Variants in IFTAP observed in about 807,000 individuals in gnomAD.
IFTAP encodes intraflagellar transport associated protein.
A neutral mutation model predicts 19.4 loss-of-function variants in IFTAP; 19 were observed. The observed-to-expected ratio is 0.98, with a 90% CI of 0.68 to 1.44. The LOEUF (loss-of-function observed/expected upper bound fraction) is 1.44. Ranked by LOEUF, IFTAP falls within the 40% of genes most tolerant of loss-of-function variation. IFTAP has a pLI of 0.00. For synonymous variants in IFTAP, 85 were observed against 83.5 expected, an observed-to-expected ratio of 1.02 and a Z score of -0.10; for missense variants, 240 against 253.6, an observed-to-expected ratio of 0.95 and a Z score of 0.36.
At chr11:36,603,382 A>G (rs996862406) in intron 1 of IFTAP, among the ~76,000 whole-genome samples, 3 of 152,022 alleles carry the variant, frequency 2.0e-5, no homozygotes, top group Non-Finnish European at 4.4e-5. Context: ...TTTAGTGATA[A>G]TTTTCTTTTC....
At chr11:36,623,018 C>T (rs1189503809) in intron 2 of IFTAP, among the ~76,000 whole-genome samples, 1 of 152,094 alleles carries the variant, frequency 6.6e-6, no homozygotes, top group African/African-American at 2.4e-5. Context: ...TATTTACATG[C>T]TTTGACCAAA....
chr11:36,654,476 T>C (rs1334772094), intron 5 of IFTAP, among the ~76,000 whole-genome samples: 1 of 152,124 alleles, frequency 6.6e-6, no homozygotes, highest in African/African-American at 2.4e-5. Flanking sequence ...TGTGATTCTT[T>C]ATGTATTTCT....
At chr11:36,648,786 G>C (rs766174709) in intron 5 of IFTAP, among the ~76,000 whole-genome samples, 3 of 152,116 alleles carry the variant, frequency 2.0e-5, no homozygotes, top group Admixed American at 1.3e-4. Flanking sequence ...TTTCCCCAAG[G>C]CTTAGGACTC....
intron 2 of IFTAP, among the ~76,000 whole-genome samples, chr11:36,631,087 A>G (rs994185333): frequency 6.6e-6 from 1 of 151,462 alleles, no homozygotes; most frequent in Non-Finnish European, 1.5e-5. Flanking sequence ...CTCATCTTGT[A>G]TAGGGCTGGT....
At chr11:36,654,814 A>G (rs1490426193) in intron 5 of IFTAP, among the ~76,000 whole-genome samples, 1 of 151,978 alleles carries the variant, frequency 6.6e-6, no homozygotes, top group Non-Finnish European at 1.5e-5. Context: ...CGGATTTTTC[A>G]AATCTCTGCT....
intron 4 of IFTAP, among the ~76,000 whole-genome samples, chr11:36,644,376 T>C (rs1315016304): frequency 1.3e-5 from 2 of 152,068 alleles, no homozygotes; most frequent in South Asian, 2.1e-4. Context: ...TGTGGAGAAA[T>C]AGGAACACTT....
At chr11:36,642,645 A>C (rs1484817860) in intron 4 of IFTAP, among the ~76,000 whole-genome samples, 8 of 152,164 alleles carry the variant, frequency 5.3e-5, no homozygotes, top group African/African-American at 1.9e-4. Context: ...AGCACATCAA[A>C]AAGCTTACCC....
chr11:36,620,637 T>C (rs1852256124), intron 2 of IFTAP, among the ~76,000 whole-genome samples: 1 of 151,990 alleles, frequency 6.6e-6, no homozygotes, highest in Non-Finnish European at 1.5e-5. Flanking sequence ...TTGTGACTGC[T>C]GGAGTTTACA....
At chr11:36,599,441 C>A (rs1851419254) in intron 1 of IFTAP, among the ~76,000 whole-genome samples, 1 of 152,150 alleles carries the variant, frequency 6.6e-6, no homozygotes, top group African/African-American at 2.4e-5. Context: ...AGTTTCAGTT[C>A]TGTGACCTTT....
Position 36,657,209 on chromosome 11 carries a change from C to G in IFTAP, c.499-1810C>G, listed in dbSNP as rs188730811. ...GGCTCCAGATGGTGTTGTAGCCAAG[C>G]CTGCAGGCCTCAGTACTTACTGCTG... On this transcript the variant is annotated intron_variant, in intron 5 of 5. Transcript: ENST00000334307. Among the ~76,000 whole-genome samples, 15 of 152,276 alleles carry G rather than the reference C, an allele frequency of 9.9e-5. No individual in the cohort carries two copies. In the East Asian group the frequency reaches 2.7e-3, roughly 27 times the overall value.
At chr11:36,624,543 C>T (rs2133425744) in intron 2 of IFTAP, among the ~76,000 whole-genome samples, 1 of 152,288 alleles carries the variant, frequency 6.6e-6, no homozygotes, top group South Asian at 2.1e-4. Context: ...CAGCCTGAAT[C>T]CCTGGGTCAT....
intron 4 of IFTAP, among the ~76,000 whole-genome samples, chr11:36,637,546 T>A (rs777346945): frequency 7.9e-5 from 12 of 152,126 alleles, no homozygotes; most frequent in Non-Finnish European, 1.6e-4. Context: ...TTTGGGTGAT[T>A]TGGGGGAGGG....
At chr11:36,634,734 CAACA>C (rs1435560119) in intron 3 of IFTAP, among the ~76,000 whole-genome samples, 1 of 152,146 alleles carries the variant, frequency 6.6e-6, no homozygotes, top group African/African-American at 2.4e-5. Flanking sequence ...ACCAAAAACA[CAACA>C]AACAAACTAA....
At chr11:36,600,563 A>C (rs1851469698) in intron 1 of IFTAP, among the ~76,000 whole-genome samples, 2 of 152,174 alleles carry the variant, frequency 1.3e-5, no homozygotes, top group African/African-American at 4.8e-5. Context: ...CCATGGAAAA[A>C]TTGTCCTCCA....
chr11:36,606,684 C>T (rs1453944081), intron 1 of IFTAP, among the ~76,000 whole-genome samples: 1 of 152,184 alleles, frequency 6.6e-6, no homozygotes, highest in Non-Finnish European at 1.5e-5. Flanking sequence ...AAGACATTTA[C>T]AGGAATGGAA....
chr11:36,611,167 A>C (rs1413101243), intron 2 of IFTAP, among the ~76,000 whole-genome samples: 4 of 152,068 alleles, frequency 2.6e-5, no homozygotes, highest in Non-Finnish European at 5.9e-5. Context: ...CATTCATTCA[A>C]GTGGCCCCCT....
At chr11:36,597,918 C>T (rs953855111) in intron 1 of IFTAP, among the ~76,000 whole-genome samples, 1 of 151,930 alleles carries the variant, frequency 6.6e-6, no homozygotes, top group African/African-American at 2.4e-5. Context: ...TAATTAAATC[C>T]CTGAAGCAGC....
At chr11:36,625,515 A>G (rs866525090) in intron 2 of IFTAP, among the ~76,000 whole-genome samples, 11 of 152,140 alleles carry the variant, frequency 7.2e-5, no homozygotes, top group South Asian at 2.1e-4. Flanking sequence ...ACTTCCTGGT[A>G]TTCACTTGTA....
chr11:36,610,812 T>C (rs557426650), intron 2 of IFTAP, among the ~76,000 whole-genome samples: 2 of 148,036 alleles, frequency 1.4e-5, no homozygotes, highest in South Asian at 4.2e-4. Context: ...GTATTGCTGT[T>C]GTGATGCTGC....
Sources: allele counts gnomAD v4.1 joint callset (sites outside exome capture counted in the v4.1 genomes callset), GRCh38; gene constraint gnomAD v4.1.1; transcripts MANE v1.5; gene names NCBI Gene and HGNC (gene_info 2026-07-23, HGNC 2026-07-21).